PARVB: variants seen among roughly 807,000 people sequenced by gnomAD.
The protein encoded by PARVB is parvin beta.
In PARVB, 46 loss-of-function variants were observed where a neutral mutation model predicts 47.0. The ratio of observed to expected loss-of-function variants is 0.98; its 90% CI spans 0.77 to 1.25. The LOEUF (loss-of-function observed/expected upper bound fraction) is 1.25. Among genes scored for constraint, PARVB ranks in the 50% most tolerant of loss-of-function variants. The pLI, the probability that PARVB is intolerant of heterozygous loss-of-function variation, is 0.00. For synonymous variants in PARVB, 196 were observed against 196.3 expected (o/e 1.00, Z 0.01); for missense variants, 473 against 471.6 (o/e 1.00, Z -0.03).
At position 44,122,582 on chromosome 22, in the gene PARVB, G is replaced by GAC. The variant is rs1569134637; in HGVS notation, c.376+3443_376+3444insCA. On this transcript the variant is annotated intron_variant, in intron 4 of 12. Coordinates refer to ENST00000338758, the MANE Select transcript of PARVB (RefSeq NM_013327.5). ...AGAGACAGAGAGAGAGAGAGAGAGA[G>GAC]AGAGAGAGAGAGAGAGAGAGAGAGA... Among the ~76,000 whole-genome samples the GAC allele has an allele frequency of 5.5e-4, 73 of 132,832 alleles. 2 individuals carry two copies. Among genetic ancestry groups the GAC allele is most frequent in the African/African-American group, 2.2e-3 (61 of 28,090 alleles). The allele number at this position is 132,832 out of a possible 152,430, so 87.1% of individuals were successfully genotyped here.
chr22:44,020,213 G>T (rs918715501), upstream of PARVB, among the ~76,000 whole-genome samples: 14 of 147,138 alleles, frequency 9.5e-5, no homozygotes, highest in African/African-American at 3.1e-4. Context: ...GTCTGGCTCT[G>T]TTGCCCAGGC....
chr22:44,047,810 C>T (rs1275819782), intron 1 of PARVB, among the ~76,000 whole-genome samples: 11 of 152,128 alleles, frequency 7.2e-5, no homozygotes, highest in Non-Finnish European at 1.5e-4. Flanking sequence ...CTCAGGGAGC[C>T]TTGACCCAGG....
intron 1 of PARVB, among the ~76,000 whole-genome samples, chr22:44,082,317 G>A (rs574320207): frequency 3.2e-4 from 49 of 152,206 alleles, no homozygotes; most frequent in African/African-American, 1.1e-3. Context: ...TCAGGAGTTC[G>A]AGATCCACCT....
chr22:44,143,013 C>T lies in PARVB; in HGVS notation c.712+2870C>T, dbSNP rs55943197. On this transcript the variant is annotated intron_variant, in intron 8 of 12. Coordinates refer to ENST00000338758, the MANE Select transcript of PARVB (RefSeq NM_013327.5). Reference sequence around the variant, plus strand: ...CATGCCATTCCCCTCCTTCAGCCCCCGAGAGCACCCCAGGGTGCTCCCTCC... The same window carrying T: ...CATGCCATTCCCCTCCTTCAGCCCCTGAGAGCACCCCAGGGTGCTCCCTCC... 378 of 152,476 alleles carry T rather than the reference C, an allele frequency of 2.5e-3. 4 individuals are homozygous for T. The highest frequency in any genetic ancestry group is 3.4e-3 in the Middle Eastern group (1 of 294). 9.4% of individuals were successfully genotyped at this position (152,476 alleles called of 1,614,324 possible).
chr22:44,059,921 C>T (rs186561043), intron 1 of PARVB, among the ~76,000 whole-genome samples: 16 of 152,200 alleles, frequency 1.1e-4, no homozygotes, highest in East Asian at 1.9e-4. Context: ...TTCTCTACCA[C>T]GATGCTTTCT....
chr22:44,128,853 A>G (rs1473145395), intron 4 of PARVB, among the ~76,000 whole-genome samples: 2 of 152,180 alleles, frequency 1.3e-5, no homozygotes, highest in Non-Finnish European at 1.5e-5. Flanking sequence ...TGAGGTGGGC[A>G]GATCACTTGA....
intron 1 of PARVB, among the ~76,000 whole-genome samples, chr22:44,079,921 C>T (rs377541254): frequency 1.4e-4 from 22 of 152,126 alleles, no homozygotes; most frequent in African/African-American, 5.3e-4. Flanking sequence ...GAGCAAGACT[C>T]CTTCTCAAAA....
At chr22:44,018,312 G>A (rs2050606606) in intron 2 of PARVB, among the ~76,000 whole-genome samples, 1 of 152,210 alleles carries the variant, frequency 6.6e-6, no homozygotes, top group Non-Finnish European at 1.5e-5. Flanking sequence ...TGAGGCAGGA[G>A]AATCACCTGA....
At chr22:44,100,263 ATGT>A in intron 3 of PARVB, 140 bp downstream of exon 3, 1 of 701,798 alleles carries the variant, frequency 1.4e-6, no homozygotes, top group Non-Finnish European at 2.5e-6. Context: ...GTGGGCAGAC[ATGT>A]TGGCAGAGGA....
chr22:44,051,625 G>A (rs2051209869), intron 1 of PARVB, among the ~76,000 whole-genome samples: 1 of 152,198 alleles, frequency 6.6e-6, no homozygotes, highest in African/African-American at 2.4e-5. Flanking sequence ...GAAGCGCTTG[G>A]TTTGTGTCAA....
intron 2 of PARVB, among the ~76,000 whole-genome samples, chr22:44,096,812 G>T (rs1273390632): frequency 6.6e-6 from 1 of 152,158 alleles, no homozygotes; most frequent in Non-Finnish European, 1.5e-5. Context: ...ACAAGGTGGG[G>T]AGGGCGGGGG....
At chr22:44,106,702 C>G (rs948249497) in intron 3 of PARVB, 6 of 152,000 alleles carry the variant, frequency 3.9e-5, no homozygotes, top group Admixed American at 1.3e-4. Context: ...TTCCTCTTGT[C>G]TTGATTGCTT....
At chr22:44,132,303 G>T (rs1234007056) in intron 5 of PARVB, among the ~76,000 whole-genome samples, 1 of 152,208 alleles carries the variant, frequency 6.6e-6, no homozygotes, top group African/African-American at 2.4e-5. Flanking sequence ...TCTCGTGGGT[G>T]GCTGGGTCCG....
chr22:44,067,521 C>T (rs988407994), intron 1 of PARVB, among the ~76,000 whole-genome samples: 2 of 152,232 alleles, frequency 1.3e-5, no homozygotes, highest in African/African-American at 2.4e-5. Flanking sequence ...AGCCTTCCTT[C>T]GTGGGTGGCA....
intron 1 of PARVB, among the ~76,000 whole-genome samples, chr22:44,034,539 G>A (rs2050885495): frequency 2.0e-5 from 3 of 151,720 alleles, no homozygotes; most frequent in African/African-American, 4.8e-5. Flanking sequence ...AACAATAGGT[G>A]CACACCACCA....
chr22:44,002,428 T>C (rs2050422255), intron 2 of PARVB, among the ~76,000 whole-genome samples: 1 of 152,130 alleles, frequency 6.6e-6, no homozygotes, highest in South Asian at 2.1e-4. Flanking sequence ...CTTTGTGAAA[T>C]GGGGTAGTCG....
rs1044076704 is a variant in PARVB at position 44,086,015 on chromosome 22, C to T, written c.113-7913C>T. ...TTCATCTTGAGAAATGGGCTGGAACCTCATGCCCCAGCACAACAAGCCCCA... is the reference window on the plus strand; with the variant it reads ...TTCATCTTGAGAAATGGGCTGGAACTTCATGCCCCAGCACAACAAGCCCCA... On this transcript the variant is annotated intron_variant, in intron 1 of 12. Coordinates refer to ENST00000338758, the MANE Select transcript of PARVB (RefSeq NM_013327.5). Among the ~76,000 whole-genome samples the T allele has an allele frequency of 5.3e-5, 8 of 152,182 alleles. 1 individual carries two copies. Among genetic ancestry groups the T allele is most frequent in the Admixed American group, 5.2e-4 (8 of 15,280 alleles).
At chr22:44,100,824 G>A (rs975102582) in intron 3 of PARVB, among the ~76,000 whole-genome samples, 1 of 152,166 alleles carries the variant, frequency 6.6e-6, no homozygotes, top group East Asian at 1.9e-4. Context: ...CTGAAGAGGA[G>A]AGGCTGTGGG....
chr22:44,080,559 A>AG (rs1399888701), intron 1 of PARVB, among the ~76,000 whole-genome samples: 4 of 152,124 alleles, frequency 2.6e-5, no homozygotes, highest in Non-Finnish European at 4.4e-5. Flanking sequence ...TGCATAATCC[A>AG]GGCTAATCTC....
Sources: allele counts gnomAD v4.1 joint callset (sites outside exome capture counted in the v4.1 genomes callset), GRCh38; gene constraint gnomAD v4.1.1; transcripts MANE v1.5; gene names NCBI Gene and HGNC (gene_info 2026-07-23, HGNC 2026-07-21).